NRG3: variants seen among roughly 807,000 people sequenced by gnomAD.
The protein encoded by NRG3 is pro-neuregulin-3, membrane-bound isoform.
A neutral mutation model predicts 66.9 loss-of-function variants in NRG3; 31 were observed. The ratio of observed to expected loss-of-function variants is 0.46; its 90% CI spans 0.35 to 0.63. The LOEUF (loss-of-function observed/expected upper bound fraction) is 0.63. Among genes scored for constraint, NRG3 ranks in the 20% least tolerant of loss-of-function variants. The pLI, the probability that NRG3 is intolerant of heterozygous loss-of-function variation, is 0.00. For missense variants in NRG3, 910 were observed against 878.9 expected (o/e 1.04, Z -0.45); for synonymous variants, 393 against 359.4 (o/e 1.09, Z -1.06).
chr10:82,592,903 T>G (rs2047063762), intron 2 of NRG3, among the ~76,000 whole-genome samples: 1 of 152,212 alleles, frequency 6.6e-6, no homozygotes. Context: ...TTTCTAATGC[T>G]TGGGTGAAGC....
intron 2 of NRG3, among the ~76,000 whole-genome samples, chr10:82,532,151 C>T (rs1322941295): frequency 4.0e-5 from 6 of 151,728 alleles, no homozygotes; most frequent in Non-Finnish European, 8.9e-5. Flanking sequence ...GAACATTATT[C>T]TACTCTTTTA....
At chr10:82,282,616 A>G (rs1444984490) in intron 1 of NRG3, among the ~76,000 whole-genome samples, 1 of 152,172 alleles carries the variant, frequency 6.6e-6, no homozygotes, top group African/African-American at 2.4e-5. Context: ...TCATGTAAAA[A>G]GTGGAGAAAA....
chr10:82,115,695 G>A (rs1033545124), intron 1 of NRG3, among the ~76,000 whole-genome samples: 1 of 152,092 alleles, frequency 6.6e-6, no homozygotes, highest in African/African-American at 2.4e-5. Flanking sequence ...GGAAAAATGG[G>A]CATTTACACT....
rs140349727 is a variant in NRG3 at position 82,735,244 on chromosome 10, T to G, written c.954-3333T>G. Among the ~76,000 whole-genome samples, 523 of 152,270 alleles carry G rather than the reference T, an allele frequency of 3.4e-3. 3 individuals are homozygous for G. Among genetic ancestry groups the G allele is most frequent in the Non-Finnish European group, 6.5e-3 (440 of 68,012 alleles). On this transcript the variant is annotated intron_variant, in intron 2 of 8. Coordinates refer to ENST00000372141, the MANE Select transcript of NRG3 (RefSeq NM_001010848.4). ...ATTTTCTCATTTTTTTACACAATGT[T>G]TATCAACTTTGGCTGTGCTTCCTCT...
At chr10:82,269,085 T>TA (rs1477412630) in intron 1 of NRG3, among the ~76,000 whole-genome samples, 1 of 152,192 alleles carries the variant, frequency 6.6e-6, no homozygotes, top group Non-Finnish European at 1.5e-5. Context: ...ATTTTTCTGA[T>TA]ACCACTTTCT....
At chr10:82,292,315 A>AT (rs2079794879) in intron 1 of NRG3, among the ~76,000 whole-genome samples, 1 of 152,180 alleles carries the variant, frequency 6.6e-6, no homozygotes, top group Non-Finnish European at 1.5e-5. Flanking sequence ...AAAAGAAAAA[A>AT]GGAAGTAGTG....
rs377165449 is a variant in NRG3, at chr10:82,462,571, G to A, written c.953+103703G>A. Among the ~76,000 whole-genome samples, 5 of 152,114 alleles carry A rather than the reference G, an allele frequency of 3.3e-5. No individual in the cohort carries two copies. In the East Asian group the frequency reaches 7.7e-4, roughly 24 times the overall value. On this transcript the variant is annotated intron_variant, in intron 2 of 8. Transcript: ENST00000372141. Reference sequence around the variant, plus strand: ...TGGGGTGAAGAGATTGAAGCTGGAGGCCCAAGGGTCAGTGAGGAGATGGGA... The same window carrying A: ...TGGGGTGAAGAGATTGAAGCTGGAGACCCAAGGGTCAGTGAGGAGATGGGA...
chr10:82,105,871 G>A (rs572838576), intron 1 of NRG3, among the ~76,000 whole-genome samples: 5 of 152,164 alleles, frequency 3.3e-5, no homozygotes, highest in African/African-American at 4.8e-5. Flanking sequence ...CAGATATGAC[G>A]CAGTAAAATC....
chr10:82,971,151 C>T (rs1183133777), intron 6 of NRG3, among the ~76,000 whole-genome samples: 1 of 152,098 alleles, frequency 6.6e-6, no homozygotes, highest in African/African-American at 2.4e-5. Flanking sequence ...TCACTCATTA[C>T]TGCAGGGAGG....
intron 1 of NRG3, among the ~76,000 whole-genome samples, chr10:81,997,449 A>G (rs1344059502): frequency 2.0e-5 from 3 of 152,192 alleles, no homozygotes; most frequent in East Asian, 3.9e-4. Context: ...CTGAGGCATC[A>G]TAGTTGTTCT....
chr10:82,692,168 G>A (rs796806167), intron 2 of NRG3, among the ~76,000 whole-genome samples: 23 of 151,216 alleles, frequency 1.5e-4, no homozygotes, highest in African/African-American at 3.2e-4. Context: ...CAAGAAAATC[G>A]CTTGAACCCA....
chr10:82,480,647 G>C (rs1842193812), intron 2 of NRG3, among the ~76,000 whole-genome samples: 1 of 152,134 alleles, frequency 6.6e-6, no homozygotes, highest in Non-Finnish European at 1.5e-5. Context: ...GCCCCACTCT[G>C]CTCTGATTAG....
chr10:82,067,228 C>G (rs60993404), intron 1 of NRG3, among the ~76,000 whole-genome samples: 1 of 152,116 alleles, frequency 6.6e-6, no homozygotes, highest in East Asian at 1.9e-4. Context: ...AAGTCATCAA[C>G]TATTGTAATT....
intron 3 of NRG3, among the ~76,000 whole-genome samples, chr10:82,799,252 G>T (rs565014154): frequency 7.2e-4 from 110 of 152,224 alleles, no homozygotes; most frequent in Middle Eastern, 6.8e-3. Flanking sequence ...CCTAGGCTGG[G>T]TGCGGTGGCT....
intron 4 of NRG3, among the ~76,000 whole-genome samples, chr10:82,883,237 G>A (rs1842447943): frequency 6.6e-6 from 1 of 150,564 alleles, no homozygotes; most frequent in Non-Finnish European, 1.5e-5. Flanking sequence ...TGTATTTACA[G>A]GTCTTTTTTT....
chr10:82,742,661 C>T (rs989753074), intron 3 of NRG3, among the ~76,000 whole-genome samples: 26 of 152,040 alleles, frequency 1.7e-4, no homozygotes, highest in Admixed American at 2.6e-4. Context: ...GTGGAGGAGC[C>T]GGCATCAGCT....
At chr10:82,270,430 T>C (rs1335868415) in intron 1 of NRG3, among the ~76,000 whole-genome samples, 1 of 152,128 alleles carries the variant, frequency 6.6e-6, no homozygotes, top group Non-Finnish European at 1.5e-5. Context: ...GGGACTTTCC[T>C]TGTACTGAGG....
chr10:82,137,984 C>G (rs888975165), intron 1 of NRG3, among the ~76,000 whole-genome samples: 5 of 152,138 alleles, frequency 3.3e-5, no homozygotes, highest in Admixed American at 3.3e-4. Flanking sequence ...TTTCTCATCA[C>G]TTGACAATAC....
chr10:82,600,887 A>G (rs1342667079), intron 2 of NRG3, among the ~76,000 whole-genome samples: 1 of 152,060 alleles, frequency 6.6e-6, no homozygotes, highest in Non-Finnish European at 1.5e-5. Context: ...TGATCCCATC[A>G]CCAATATAGT....
Sources: gnomAD v4.1 joint callset for allele counts (sites outside exome capture counted in the v4.1 genomes callset) on GRCh38, gnomAD v4.1.1 for gene constraint, MANE v1.5 for transcripts, NCBI Gene and HGNC (gene_info 2026-07-23, HGNC 2026-07-21) for gene names.